The following PHIP variants were observed in gnomAD, a reference collection of about 807,000 sequenced individuals.
PHIP encodes PHIP subunit of CUL4-Ring ligase complex.
A neutral mutation model predicts 236.8 loss-of-function variants in PHIP; 54 were observed. The observed-to-expected ratio is 0.23, with a 90% confidence interval of 0.18 to 0.29. The LOEUF (loss-of-function observed/expected upper bound fraction) is 0.29, where lower values mean the gene tolerates loss of function less well. Among genes scored for constraint, PHIP ranks in the 10% least tolerant of loss-of-function variants. The pLI is 1.00. For synonymous variants in PHIP, 756 were observed against 718.9 expected, an observed-to-expected ratio of 1.05 and a Z score of -0.83; for missense variants, 1,370 against 2,190.8, an observed-to-expected ratio of 0.63 and a Z score of 7.48.
intron 6 of PHIP, among the ~76,000 whole-genome samples, chr6:79,052,024 G>GA (rs746598435): frequency 1.3e-5 from 2 of 152,000 alleles, no homozygotes; most frequent in African/African-American, 2.4e-5. Flanking sequence ...GAGGGAAAAA[G>GA]AAAAGACATG....
At chr6:78,943,491 AG>A (rs1421236855) in intron 39 of PHIP, among the ~76,000 whole-genome samples, 3 of 152,234 alleles carry the variant, frequency 2.0e-5, no homozygotes, top group Non-Finnish European at 4.4e-5. Context: ...GAAAGGGGGC[AG>A]ATTATTAAAA....
chr6:78,987,507 A>G (rs1329326754), intron 21 of PHIP, among the ~76,000 whole-genome samples: 1 of 152,186 alleles, frequency 6.6e-6, no homozygotes, highest in Admixed American at 6.5e-5. Flanking sequence ...GAATTCTCAT[A>G]TATGCCTAGC....
chr6:79,008,554 T>A (rs969902248), intron 15 of PHIP, among the ~76,000 whole-genome samples: 7 of 150,408 alleles, frequency 4.7e-5, no homozygotes, highest in African/African-American at 1.7e-4. Flanking sequence ...TTTGGCATAT[T>A]AGCATGGTGT....
At chr6:78,992,487 T>G (rs1769329959) in intron 19 of PHIP, among the ~76,000 whole-genome samples, 1 of 152,176 alleles carries the variant, frequency 6.6e-6, no homozygotes, top group South Asian at 2.1e-4. Context: ...AGTGCATTTT[T>G]TTTTTTCACA....
chr6:78,940,968 C>G lies in PHIP; in HGVS notation c.5191G>C (p.Val1731Leu), dbSNP rs375999660. 5.6e-6 allele frequency: 9 copies of G among 1,613,844 alleles called. No homozygotes were observed. The highest frequency in any genetic ancestry group is 1.3e-5 in the African/African-American group (1 of 75,028). Residue 1731 changes from valine to leucine, a missense_variant, in exon 40 of 40, where the codon GTC becomes CTC. Physicochemically the swap from Val to Leu is conservative, Grantham distance 32. This residue lies in a region of PHIP where 309 missense variants were observed against 328.3 expected (regional missense o/e 0.94). Transcript: ENST00000275034. ...KTQKLDADLLVPASVKVLRRS... is the reference protein window; with the variant it reads ...KTQKLDADLLLPASVKVLRRS... ...CTTAACACTTTGACACTTGCAGGGA[C>G]TAGGAGATCTGCATCTAATTTTTGT...
Position 78,940,161 on chromosome 6 carries a change from G to T in PHIP, c.*532C>A, listed in dbSNP as rs930830618. 6.6e-6 allele frequency: 1 copy of T among 151,978 alleles called. No homozygotes were observed. The highest frequency in any genetic ancestry group is 1.5e-5 in the Non-Finnish European group (1 of 67,918). 9.4% of individuals were successfully genotyped at this position (151,978 alleles called of 1,614,324 possible). A position where few individuals can be genotyped will look rare whatever the true frequency, so the allele number is the denominator to read the frequency against. On this transcript the variant is annotated 3_prime_UTR_variant, in exon 40 of 40. Transcript: ENST00000275034. Reference sequence around the variant, plus strand: ...TATAATTAAAATTAAACTGTTTAGGGTATCAAATGGTGGAAATTTTATATT... The same window carrying T: ...TATAATTAAAATTAAACTGTTTAGGTTATCAAATGGTGGAAATTTTATATT...
chr6:78,973,059 C>A (rs1474051892), intron 24 of PHIP, among the ~76,000 whole-genome samples: 1 of 152,024 alleles, frequency 6.6e-6, no homozygotes, highest in Admixed American at 6.6e-5. Flanking sequence ...AAGAGCAACT[C>A]CAAGACACAT....
intron 6 of PHIP, among the ~76,000 whole-genome samples, chr6:79,056,608 G>A (rs561697764): frequency 6.6e-6 from 1 of 152,194 alleles, no homozygotes; most frequent in East Asian, 1.9e-4. Flanking sequence ...GATGCTACTG[G>A]CAATTAGCAA....
intron 19 of PHIP, among the ~76,000 whole-genome samples, chr6:78,995,789 C>T (rs1769569691): frequency 6.6e-6 from 1 of 152,086 alleles, no homozygotes; most frequent in Admixed American, 6.5e-5. Flanking sequence ...TCATTGGATT[C>T]CATTTTAATT....
intron 7 of PHIP, among the ~76,000 whole-genome samples, chr6:79,036,649 G>A (rs748032257): frequency 3.9e-5 from 6 of 152,004 alleles, no homozygotes; most frequent in Admixed American, 6.6e-5. Flanking sequence ...TGGGCCAGGC[G>A]CGGTGGCTCA....
chr6:78,941,107 A>C lies in PHIP; in HGVS notation c.5052T>G (p.Asp1684Glu). The change falls in exon 40 of 40, where the codon GAT becomes GAG. Residue 1684 changes from aspartate to glutamate, a missense_variant. Transcript: ENST00000275034. ...LEQNNVHPIR[D>E]EVLPSSTCNF... ...TGCATGTTGAAGAAGGAAGTACTTCATCTCTGATGGGATGCACATTATTTT... is the reference window on the plus strand; with the variant it reads ...TGCATGTTGAAGAAGGAAGTACTTCCTCTCTGATGGGATGCACATTATTTT... The C allele has an allele frequency of 6.2e-7, 1 of 1,614,032 alleles. No individual in the cohort carries two copies. Among genetic ancestry groups the C allele is most frequent in the South Asian group, 1.1e-5 (1 of 91,078 alleles).
chr6:78,964,684 G>T (rs1405109521), intron 29 of PHIP, among the ~76,000 whole-genome samples: 1 of 152,044 alleles, frequency 6.6e-6, no homozygotes, highest in Non-Finnish European at 1.5e-5. Context: ...GTTGAGACGG[G>T]GTTTCACCAT....
At chr6:79,057,392 G>C (rs1462527565) in intron 6 of PHIP, among the ~76,000 whole-genome samples, 1 of 152,098 alleles carries the variant, frequency 6.6e-6, no homozygotes, top group African/African-American at 2.4e-5. Context: ...TAGTAGTTCT[G>C]AGAAATAGAC....
chr6:78,962,980 T>A (rs1766882681), intron 30 of PHIP, 117 bp downstream of exon 30: 1 of 780,102 alleles, frequency 1.3e-6, no homozygotes, highest in Admixed American at 2.8e-5. Context: ...ACTTAAAATG[T>A]CTGAAACCAC....
chr6:78,974,213 T>C (rs1767858751), intron 24 of PHIP, among the ~76,000 whole-genome samples: 1 of 152,058 alleles, frequency 6.6e-6, no homozygotes, highest in Admixed American at 6.5e-5. Flanking sequence ...GAATTCAGGA[T>C]TAAGAATCTC....
intron 34 of PHIP, 86 bp from the exon 35 acceptor site, chr6:78,955,049 T>C (rs1458175592): frequency 6.3e-6 from 6 of 955,320 alleles, no homozygotes; most frequent in Non-Finnish European, 9.2e-6. Flanking sequence ...GATAATTGGG[T>C]AATATACAAT....
intron 24 of PHIP, among the ~76,000 whole-genome samples, chr6:78,973,193 A>G (rs2127709204): frequency 6.6e-6 from 1 of 152,314 alleles, no homozygotes; most frequent in African/African-American, 2.4e-5. Flanking sequence ...CAGAAACTCT[A>G]CAAGCCAGAA....
intron 4 of PHIP, 68 bp downstream of exon 4, chr6:79,077,380 T>C (rs1774226041): frequency 2.2e-6 from 3 of 1,391,878 alleles, no homozygotes; most frequent in African/African-American, 1.5e-5. Context: ...CTGTAAAAAA[T>C]TGCGGGAAAT....
intron 7 of PHIP, among the ~76,000 whole-genome samples, chr6:79,040,675 T>C (rs1472626878): frequency 6.6e-6 from 1 of 152,036 alleles, no homozygotes; most frequent in African/African-American, 2.4e-5. Context: ...TAATGAGCAA[T>C]ATGAATAGTG....
Sources: allele counts gnomAD v4.1 joint callset (sites outside exome capture counted in the v4.1 genomes callset), GRCh38; gene constraint gnomAD v4.1.1; regional missense constraint gnomAD v4.1.1; transcripts MANE v1.5; gene names NCBI Gene and HGNC (gene_info 2026-07-23, HGNC 2026-07-21).